Variants in STUM observed in about 807,000 individuals in gnomAD.
STUM encodes the protein stum, mechanosensory transduction mediator homolog.
STUM carries 8 observed loss-of-function variants against 15.3 expected under a neutral mutation model. That is an observed-to-expected ratio of 0.52 (90% CI 0.31 to 0.94). The LOEUF (loss-of-function observed/expected upper bound fraction) is 0.94, where lower values mean the gene tolerates loss of function less well. Among genes scored for constraint, STUM ranks in the 40% least tolerant of loss-of-function variants. STUM has a pLI of 0.05. For synonymous variants in STUM, 78 were observed against 88.7 expected (o/e 0.88, Z 0.68); for missense variants, 142 against 204.9 (o/e 0.69, Z 1.87).
intron 1 of STUM, among the ~76,000 whole-genome samples, chr1:226,569,385 C>G (rs1667670979): frequency 6.6e-6 from 1 of 152,198 alleles, no homozygotes; most frequent in Admixed American, 6.5e-5. Flanking sequence ...AGCAGGGCCA[C>G]TAGGCTGTGA....
chr1:226,599,887 C>A (rs1038451727), intron 2 of STUM, among the ~76,000 whole-genome samples: 2 of 152,218 alleles, frequency 1.3e-5, no homozygotes, highest in Admixed American at 1.3e-4. Flanking sequence ...GCAGTCACTA[C>A]TAATTGATCC....
At chr1:226,595,506 G>GT (rs1445095266) in intron 1 of STUM, among the ~76,000 whole-genome samples, 3 of 152,204 alleles carry the variant, frequency 2.0e-5, no homozygotes, top group Non-Finnish European at 4.4e-5. Flanking sequence ...CTCTGTGTGT[G>GT]TAAGAGTGTA....
rs532908617 is a variant in STUM at position 226,589,106 on chromosome 1, C to T, written c.203-7696C>T. ...AGTTTTTACTCTGAAGCAGCTGCTT[C>T]GGAAGACAGCTCTGCCTTTCTCCCA... On this transcript the variant is annotated intron_variant, in intron 1 of 3. Transcript: ENST00000366788. Among the ~76,000 whole-genome samples the T allele has an allele frequency of 2.5e-3, 381 of 152,332 alleles. 7 individuals carry two copies. The highest frequency in any genetic ancestry group is 3.4e-3 in the Middle Eastern group (1 of 294).
chr1:226,584,698 G>A (rs550555885), intron 1 of STUM, among the ~76,000 whole-genome samples: 63 of 152,254 alleles, frequency 4.1e-4, no homozygotes, highest in Non-Finnish European at 7.8e-4. Flanking sequence ...GAAATCCAGG[G>A]GCTTCTGTCA....
intron 1 of STUM, among the ~76,000 whole-genome samples, chr1:226,591,661 G>C (rs562093580): frequency 6.6e-6 from 1 of 152,046 alleles, no homozygotes; most frequent in African/African-American, 2.4e-5. Context: ...CCAGAGATAG[G>C]CTTGACGACC....
intron 1 of STUM, among the ~76,000 whole-genome samples, chr1:226,583,826 T>C (rs1217979766): frequency 6.6e-6 from 1 of 152,204 alleles, no homozygotes; most frequent in Non-Finnish European, 1.5e-5. Context: ...ATTGCCCCTC[T>C]GCCCAAGAGC....
At position 226,608,391 on chromosome 1, in the gene STUM, G is replaced by C. The variant is rs530541983; in HGVS notation, c.*6351G>C. The C allele has an allele frequency of 6.6e-6, 1 of 152,198 alleles. No homozygotes were observed. The highest frequency in any genetic ancestry group is 1.5e-5 in the Non-Finnish European group (1 of 68,036). The allele number at this position is 152,198 out of a possible 1,614,324, so 9.4% of individuals were successfully genotyped here. The stretch of plus-strand genomic sequence containing the variant: ...GCCTGGGCACCCATGAGAACCTGTG[G>C]CCAGCCCTTTTCATTGGCTGAGTTC... On this transcript the variant is annotated 3_prime_UTR_variant, in exon 4 of 4. Coordinates refer to ENST00000366788, the MANE Select transcript of STUM (RefSeq NM_001003665.4). The surrounding 1 kb of genome is among the most constrained non-coding windows in gnomAD (Gnocchi z 4.0).
intron 1 of STUM, among the ~76,000 whole-genome samples, chr1:226,579,806 A>G (rs537889133): frequency 5.3e-5 from 8 of 151,164 alleles, no homozygotes; most frequent in Non-Finnish European, 7.4e-5. Flanking sequence ...TAAAAAAAAA[A>G]TTTTTTTTTG....
chr1:226,594,702 T>A (rs1487536732), intron 1 of STUM, among the ~76,000 whole-genome samples: 3 of 152,230 alleles, frequency 2.0e-5, no homozygotes, highest in Admixed American at 6.5e-5. Flanking sequence ...TTGCCCAGGC[T>A]GGAGTGCAAT....
intron 1 of STUM, among the ~76,000 whole-genome samples, chr1:226,572,980 C>T (rs1473033426): frequency 6.6e-6 from 1 of 152,168 alleles, no homozygotes; most frequent in African/African-American, 2.4e-5. Flanking sequence ...ACCCTGATCC[C>T]CAGAGGGAGG....
chr1:226,607,356 C>T lies in STUM; in HGVS notation c.*5316C>T, dbSNP rs914485488. The stretch of plus-strand genomic sequence containing the variant: ...CCAACCAGAGGGATTCTTCCCCAAA[C>T]GTTCCCTTGTGGCCCAAGAGTGAGT... On this transcript the variant is annotated 3_prime_UTR_variant, in exon 4 of 4. Transcript: ENST00000366788. 5 of 152,284 alleles carry T rather than the reference C, an allele frequency of 3.3e-5. No homozygotes were observed. The highest frequency in any genetic ancestry group is 1.9e-4 in the East Asian group (1 of 5,194). The allele number at this position is 152,284 out of a possible 1,614,324, so 9.4% of individuals were successfully genotyped here.
At position 226,596,894 on chromosome 1, in the gene STUM, G is replaced by A. The variant is rs1266620309; in HGVS notation, c.295G>A (p.Ala99Thr). 6.2e-7 allele frequency: 1 copy of A among 1,614,242 alleles called. No individual in the cohort carries two copies. The highest frequency in any genetic ancestry group is 1.3e-5 in the African/African-American group (1 of 75,082). Residue 99 changes from alanine (A) to threonine (T), a missense_variant, in exon 2 of 4, where the codon GCA becomes ACA. Ala to Thr is a moderately conservative substitution (Grantham distance 58). Transcript: ENST00000366788. ...VCCVFWLNIA[A>T]ALIQILTAIV... ...CTGCGTCTTCTGGCTGAACATTGCA[G>A]CAGCCCTCATCCAAATCCTCACTGC...
At chr1:226,562,768 T>C (rs988044188) in intron 1 of STUM, among the ~76,000 whole-genome samples, 4 of 152,192 alleles carry the variant, frequency 2.6e-5, no homozygotes, top group African/African-American at 7.2e-5. Context: ...ATACAAAACG[T>C]AATCTTGAAT....
At position 226,570,330 on chromosome 1, in the gene STUM, A is replaced by G. The variant is rs141304766; in HGVS notation, c.202+21224A>G. On this transcript the variant is annotated intron_variant, in intron 1 of 3. Coordinates refer to ENST00000366788, the MANE Select transcript of STUM (RefSeq NM_001003665.4). ...TATGGAGCTGTGTGTTTAAAGATAC[A>G]TCTGAGGTTTGTTTCTTAGCAACAG... 8.5e-5 allele frequency among the ~76,000 whole-genome samples: 13 copies of G among 152,338 alleles called. No homozygotes were observed. The East Asian group carries it at 2.5e-3, about 29-fold the overall frequency.
At position 226,552,910 on chromosome 1, in the gene STUM, C is replaced by T. The variant is rs1667393229; in HGVS notation, c.202+3804C>T. On this transcript the variant is annotated intron_variant, in intron 1 of 3. Coordinates refer to ENST00000366788, the MANE Select transcript of STUM (RefSeq NM_001003665.4). This position sits in a 1 kb window ranked among gnomAD's most constrained non-coding sequence, Gnocchi z 4.7. ...GAGCAGCAACTATTTTAAATGTCTT[C>T]TTGAAAGAGCATGTTATCCACAAAT... 6.6e-6 allele frequency among the ~76,000 whole-genome samples: 1 copy of T among 152,156 alleles called. No homozygotes were observed. The highest frequency in any genetic ancestry group is 1.5e-5 in the Non-Finnish European group (1 of 68,024).
Position 226,548,780 on chromosome 1 carries a change from A to G in STUM, c.-125A>G. The G allele has an allele frequency of 2.7e-6, 2 of 741,366 alleles. No individual in the cohort carries two copies. Among genetic ancestry groups the G allele is most frequent in the Non-Finnish European group, 3.6e-6 (2 of 555,128 alleles). 45.9% of individuals were successfully genotyped at this position (741,366 alleles called of 1,614,324 possible). A position where few individuals can be genotyped will look rare whatever the true frequency, so the allele number is the denominator to read the frequency against. ...GGAGTCTCCGCGAGCCGCGCGGCGCACGGAGCACGGCGGCCGCCTGAGCTC... is the reference window on the plus strand; with the variant it reads ...GGAGTCTCCGCGAGCCGCGCGGCGCGCGGAGCACGGCGGCCGCCTGAGCTC... On this transcript the variant is annotated 5_prime_UTR_variant, in exon 1 of 4. Transcript: ENST00000366788.
chr1:226,576,280 G>A (rs993709702), intron 1 of STUM, among the ~76,000 whole-genome samples: 1 of 152,244 alleles, frequency 6.6e-6, no homozygotes, highest in Admixed American at 6.5e-5. Flanking sequence ...TAGGGGGACA[G>A]AACTGGTATT....
intron 1 of STUM, among the ~76,000 whole-genome samples, chr1:226,573,991 T>G (rs1475003106): frequency 6.6e-6 from 1 of 152,100 alleles, no homozygotes; most frequent in Non-Finnish European, 1.5e-5. Flanking sequence ...CACACCACCA[T>G]GTGCTGCTAA....
chr1:226,572,633 G>A (rs1265003413), intron 1 of STUM, among the ~76,000 whole-genome samples: 1 of 152,210 alleles, frequency 6.6e-6, no homozygotes, highest in Non-Finnish European at 1.5e-5. Flanking sequence ...CCAAGTCCCT[G>A]AGTCGGCCTT....
Sources: gnomAD v4.1 joint callset for allele counts (sites outside exome capture counted in the v4.1 genomes callset) on GRCh38, gnomAD v4.1.1 for gene constraint, Gnocchi (gnomAD v3.1) non-coding constraint, MANE v1.5 for transcripts, NCBI Gene and HGNC (gene_info 2026-07-23, HGNC 2026-07-21) for gene names.